Variants in CGNL1 observed in about 807,000 individuals in gnomAD.
CGNL1 encodes the protein cingulin like 1.
Under a neutral mutation model 141.2 loss-of-function variants are expected in CGNL1, and 132 were observed. That is an observed-to-expected ratio of 0.93 (90% CI 0.81 to 1.08). The LOEUF is 1.08. CGNL1 is among the 50% of genes least tolerant of loss of function. The pLI is 0.00. For synonymous variants in CGNL1, 690 were observed against 622.1 expected, an observed-to-expected ratio of 1.11 and a Z score of -1.63; for missense variants, 1,870 against 1,588.6, an observed-to-expected ratio of 1.18 and a Z score of -3.01.
intron 12 of CGNL1, among the ~76,000 whole-genome samples, chr15:57,526,945 C>T (rs1489059948): frequency 6.6e-6 from 1 of 152,186 alleles, no homozygotes; most frequent in Non-Finnish European, 1.5e-5. Context: ...GACCCTCACA[C>T]TCATGTTCTT....
intron 14 of CGNL1, among the ~76,000 whole-genome samples, chr15:57,540,071 T>A (rs142757208): frequency 4.3e-4 from 66 of 152,274 alleles, no homozygotes; most frequent in Non-Finnish European, 7.1e-4. Flanking sequence ...ACCCAATCCA[T>A]CGATTGCTTA....
At chr15:57,416,539 A>C (rs371093355) in intron 1 of CGNL1, among the ~76,000 whole-genome samples, 1 of 152,142 alleles carries the variant, frequency 6.6e-6, no homozygotes, top group Admixed American at 6.5e-5. Flanking sequence ...CAGGGCCTAC[A>C]GCTGCCTGCA....
In CGNL1 at chr15:57,439,338, C is replaced by T. The variant is rs1437268515; in HGVS notation, c.1339C>T (p.Leu447=). The change falls in exon 2 of 19, where the codon CTG becomes TTG. Residue 447 remains leucine (L), a synonymous_variant. Transcript: ENST00000281282. ...GAGCGTGGGCCGCACCTTTGCAAAG[C>T]TGCAGGGAGCAGCGCACGGGGCTTC... The part of the protein sequence containing the change: ...KQSVGRTFAK[L]QGAAHGASCA... 3.7e-6 allele frequency: 6 copies of T among 1,614,018 alleles called. No individual in the cohort carries two copies. The Admixed American group carries it at 1.0e-4, about 27-fold the overall frequency.
chr15:57,514,366 G>A (rs1312489122), intron 8 of CGNL1, among the ~76,000 whole-genome samples: 1 of 152,102 alleles, frequency 6.6e-6, no homozygotes, highest in African/African-American at 2.4e-5. Flanking sequence ...TGGCCAGGCT[G>A]GTCTTGAACT....
chr15:57,517,803 C>A (rs915791679), intron 9 of CGNL1, among the ~76,000 whole-genome samples: 9 of 152,142 alleles, frequency 5.9e-5, no homozygotes, highest in Admixed American at 4.6e-4. Context: ...CTCATCACCC[C>A]CTAAAGGTCC....
chr15:57,511,354 A>G (rs936983860), intron 8 of CGNL1, among the ~76,000 whole-genome samples: 10 of 152,166 alleles, frequency 6.6e-5, no homozygotes, highest in African/African-American at 2.4e-4. Flanking sequence ...ACAAGATACT[A>G]TTGACCTGAT....
At chr15:57,490,070 A>G (rs2063837410) in intron 8 of CGNL1, among the ~76,000 whole-genome samples, 1 of 152,192 alleles carries the variant, frequency 6.6e-6, no homozygotes, top group Non-Finnish European at 1.5e-5. Flanking sequence ...CAATTTCTCT[A>G]CTGTAGACTG....
chr15:57,441,691 G>A (rs1453149521), intron 3 of CGNL1, among the ~76,000 whole-genome samples: 1 of 152,082 alleles, frequency 6.6e-6, no homozygotes. Context: ...ATTCTTTTAT[G>A]TATGTATTTT....
chr15:57,439,540 C>G lies in CGNL1; in HGVS notation c.1541C>G (p.Ser514Trp), dbSNP rs375194804. 344 of 1,614,172 alleles carry G rather than the reference C, an allele frequency of 2.1e-4. 6 individuals carry two copies. The South Asian group carries it at 3.2e-3, about 15-fold the overall frequency. ...TTACAGAACCGGGCAACAGCAACTT[C>G]GCCTGATTCTGGTGCCAAGAAAATT... is the stretch of plus-strand genomic sequence containing the variant. ...LMLQNRATAT[S>W]PDSGAKKISV... is the part of the protein sequence containing the mutation. Residue 514 changes from serine (S) to tryptophan (W), a missense_variant, in exon 2 of 19, where the codon TCG becomes TGG. By Grantham distance (177) the Ser-to-Trp change is radical. Coordinates refer to ENST00000281282, the MANE Select transcript of CGNL1 (RefSeq NM_032866.5).
chr15:57,520,288 T>C (rs546680499), intron 10 of CGNL1, among the ~76,000 whole-genome samples: 1 of 152,340 alleles, frequency 6.6e-6, no homozygotes, highest in Admixed American at 6.5e-5. Flanking sequence ...CAGCTCCTTT[T>C]GTTTGGTTAC....
intron 4 of CGNL1, among the ~76,000 whole-genome samples, chr15:57,443,360 G>A (rs527962458): frequency 6.4e-4 from 97 of 152,310 alleles, no homozygotes; most frequent in East Asian, 3.3e-3. Context: ...CTAAACACTC[G>A]TTCCTCAATC....
chr15:57,539,601 G>A (rs563602793), intron 14 of CGNL1, among the ~76,000 whole-genome samples: 30 of 152,288 alleles, frequency 2.0e-4, no homozygotes, highest in Non-Finnish European at 4.0e-4. Context: ...CACCTCCAGC[G>A]CCTCCTCTGA....
chr15:57,497,298 G>A (rs897428277), intron 8 of CGNL1, among the ~76,000 whole-genome samples: 2 of 151,624 alleles, frequency 1.3e-5, no homozygotes, highest in Non-Finnish European at 1.5e-5. Context: ...CCTGACAGGC[G>A]GAACTCACTG....
At chr15:57,476,617 A>G (rs1175793814) in intron 8 of CGNL1, among the ~76,000 whole-genome samples, 2 of 152,194 alleles carry the variant, frequency 1.3e-5, no homozygotes, top group African/African-American at 4.8e-5. Context: ...AGTTTTAGCT[A>G]CAGAGTAAGT....
intron 8 of CGNL1, among the ~76,000 whole-genome samples, chr15:57,482,929 C>T (rs1012999886): frequency 6.6e-6 from 1 of 152,090 alleles, no homozygotes; most frequent in African/African-American, 2.4e-5. Flanking sequence ...GGATTACAGG[C>T]AGCCGCCACC....
intron 1 of CGNL1, among the ~76,000 whole-genome samples, chr15:57,407,635 C>T (rs2062738422): frequency 6.6e-6 from 1 of 152,090 alleles, no homozygotes; most frequent in Non-Finnish European, 1.5e-5. Flanking sequence ...ATTGTGCCAC[C>T]ACACTACTTT....
At chr15:57,443,522 A>G (rs1198654102) in intron 4 of CGNL1, among the ~76,000 whole-genome samples, 2 of 151,424 alleles carry the variant, frequency 1.3e-5, no homozygotes, top group Admixed American at 6.5e-5. Context: ...AAGCGTACAT[A>G]CAGGGGATAA....
chr15:57,485,802 A>T (rs1389914342), intron 8 of CGNL1, among the ~76,000 whole-genome samples: 2 of 152,202 alleles, frequency 1.3e-5, no homozygotes, highest in African/African-American at 4.8e-5. Context: ...GGATCTTTTC[A>T]GATAGACGTA....
At chr15:57,418,397 G>C (rs1567104798) in intron 1 of CGNL1, among the ~76,000 whole-genome samples, 1 of 151,242 alleles carries the variant, frequency 6.6e-6, no homozygotes, top group Non-Finnish European at 1.5e-5. Context: ...TCTCCTATTC[G>C]GTTTCTCCCG....
Sources: allele counts gnomAD v4.1 joint callset (sites outside exome capture counted in the v4.1 genomes callset), GRCh38; gene constraint gnomAD v4.1.1; transcripts MANE v1.5; gene names NCBI Gene and HGNC (gene_info 2026-07-23, HGNC 2026-07-21).